The following PDE1A variants were observed in gnomAD, a reference collection of about 807,000 sequenced individuals.
PDE1A encodes dual specificity calcium/calmodulin-dependent 3',5'-cyclic nucleotide phosphodiesterase 1A.
In PDE1A, 35 loss-of-function variants were observed where a neutral mutation model predicts 61.7. The observed-to-expected ratio is 0.57, with a 90% CI of 0.43 to 0.75. The LOEUF (loss-of-function observed/expected upper bound fraction) is 0.75, where lower values mean the gene tolerates loss of function less well. Among genes scored for constraint, PDE1A ranks in the 30% least tolerant of loss-of-function variants. PDE1A has a pLI of 0.00. For synonymous variants in PDE1A, 232 were observed against 213.2 expected (o/e 1.09, Z -0.77); for missense variants, 597 against 630.6 (o/e 0.95, Z 0.57).
chr2:182,409,044 G>T (rs1702464313), intron 1 of PDE1A, among the ~76,000 whole-genome samples: 1 of 152,110 alleles, frequency 6.6e-6, no homozygotes, highest in Non-Finnish European at 1.5e-5. Flanking sequence ...CTTCATTATT[G>T]GTCACTTCCT....
At chr2:182,234,991 T>C (rs1031936116) in intron 3 of PDE1A, among the ~76,000 whole-genome samples, 1 of 152,246 alleles carries the variant, frequency 6.6e-6, no homozygotes, top group African/African-American at 2.4e-5. Context: ...TTTTATTTAA[T>C]GATATTGGGG....
chr2:182,699,494 G>A, the PDE1A span, among the ~76,000 whole-genome samples: 2 of 152,048 alleles, frequency 1.3e-5, no homozygotes. Flanking sequence ...AACAGTAATG[G>A]TTTATTTTAT....
the PDE1A span, among the ~76,000 whole-genome samples, chr2:182,549,987 C>T: frequency 6.6e-6 from 1 of 152,056 alleles, no homozygotes; most frequent in Admixed American, 6.6e-5. Context: ...TTTTCACCTT[C>T]ATAGTCATTC....
At chr2:182,693,136 T>A in the PDE1A span, among the ~76,000 whole-genome samples, 1 of 152,106 alleles carries the variant, frequency 6.6e-6, no homozygotes, top group Non-Finnish European at 1.5e-5. Flanking sequence ...ACAATTAAAA[T>A]AATTCCCTAG....
intron 1 of PDE1A, among the ~76,000 whole-genome samples, chr2:182,328,538 A>G (rs1024943427): frequency 6.6e-6 from 1 of 152,152 alleles, no homozygotes; most frequent in Non-Finnish European, 1.5e-5. Flanking sequence ...TTCTACTATG[A>G]TCAAGAATTT....
intron 1 of PDE1A, among the ~76,000 whole-genome samples, chr2:182,318,578 G>T (rs1428850819): frequency 1.3e-5 from 2 of 152,130 alleles, no homozygotes. Flanking sequence ...GTAGCATGCT[G>T]GTTTCACACT....
chr2:182,465,868 T>G (rs2125785466), intron 2 of PDE1A, among the ~76,000 whole-genome samples: 1 of 152,256 alleles, frequency 6.6e-6, no homozygotes, highest in Non-Finnish European at 1.5e-5. Flanking sequence ...TGTCAATTCA[T>G]TAAATAAACA....
chr2:182,630,252 A>G, the PDE1A span, among the ~76,000 whole-genome samples: 1 of 152,106 alleles, frequency 6.6e-6, no homozygotes, highest in Non-Finnish European at 1.5e-5. Context: ...TGCTAACTTT[A>G]ATATTTAATT....
chr2:182,590,519 G>T, the PDE1A span, among the ~76,000 whole-genome samples: 2 of 152,124 alleles, frequency 1.3e-5, no homozygotes, highest in Non-Finnish European at 2.9e-5. Flanking sequence ...CTATAATGGT[G>T]CTTTGTGGGA....
At chr2:182,385,432 A>G (rs950810081) in intron 1 of PDE1A, among the ~76,000 whole-genome samples, 85 of 152,146 alleles carry the variant, frequency 5.6e-4, no homozygotes, top group Non-Finnish European at 1.2e-3. Flanking sequence ...GGAGGAATGG[A>G]ATAAATGTAT....
At chr2:182,386,710 G>A (rs1559405681) in intron 1 of PDE1A, among the ~76,000 whole-genome samples, 1 of 152,136 alleles carries the variant, frequency 6.6e-6, no homozygotes, top group Non-Finnish European at 1.5e-5. Context: ...TCTGGGAAGT[G>A]AGGAGCGTCT....
the PDE1A span, among the ~76,000 whole-genome samples, chr2:182,698,580 T>C: frequency 6.6e-6 from 1 of 152,220 alleles, no homozygotes; most frequent in Non-Finnish European, 1.5e-5. Flanking sequence ...TGATTTTGAA[T>C]AGAATGAGCA....
At chr2:182,671,757 C>T in the PDE1A span, among the ~76,000 whole-genome samples, 1 of 150,224 alleles carries the variant, frequency 6.7e-6, no homozygotes, top group Non-Finnish European at 1.5e-5. Flanking sequence ...GTAGCTGGTA[C>T]TACAGGCACC....
At chr2:182,550,482 A>G in the PDE1A span, among the ~76,000 whole-genome samples, 1 of 152,158 alleles carries the variant, frequency 6.6e-6, no homozygotes, top group Non-Finnish European at 1.5e-5. Flanking sequence ...GCCTTAGTCT[A>G]CTACTAAGTT....
At chr2:182,461,948 T>C (rs1686315917) in intron 2 of PDE1A, among the ~76,000 whole-genome samples, 2 of 152,174 alleles carry the variant, frequency 1.3e-5, no homozygotes, top group Non-Finnish European at 1.5e-5. Context: ...TCTTGTGTCT[T>C]ATAGCTTTGA....
intron 2 of PDE1A, among the ~76,000 whole-genome samples, chr2:182,249,903 T>A (rs955578651): frequency 3.3e-5 from 5 of 152,166 alleles, no homozygotes; most frequent in African/African-American, 1.2e-4. Context: ...TTAATCCTCA[T>A]AATACCACCA....
chr2:182,403,689 A>G (rs568270935), intron 1 of PDE1A, among the ~76,000 whole-genome samples: 143 of 152,206 alleles, frequency 9.4e-4, no homozygotes, highest in African/African-American at 3.4e-3. Context: ...TTGCAGGGAC[A>G]TGGGTGAACC....
Position 182,281,625 on chromosome 2 carries a change from G to A in PDE1A, c.54-17211C>T, listed in dbSNP as rs542944330. Among the ~76,000 whole-genome samples the A allele has an allele frequency of 3.9e-5, 6 of 152,074 alleles. No individual in the cohort carries two copies. The South Asian group carries it at 1.0e-3, about 26-fold the overall frequency. On this transcript the variant is annotated intron_variant, in intron 1 of 13. Coordinates refer to ENST00000351439, the Ensembl canonical transcript of PDE1A. ...TCTATGTACACCATATTCAACACGT[G>A]CTTTTACAGCCAGAAGAGAACTGAA...
the PDE1A span, among the ~76,000 whole-genome samples, chr2:182,553,963 A>G: frequency 6.6e-6 from 1 of 152,328 alleles, no homozygotes; most frequent in Non-Finnish European, 1.5e-5. Flanking sequence ...GCAATGAAGT[A>G]AAAAACTGAC....
Sources: gnomAD v4.1 joint callset for allele counts (sites outside exome capture counted in the v4.1 genomes callset) on GRCh38, gnomAD v4.1.1 for gene constraint, MANE v1.5 for transcripts, NCBI Gene and HGNC (gene_info 2026-07-23, HGNC 2026-07-21) for gene names.